The following SEC63 variants were observed in gnomAD, a reference collection of about 807,000 sequenced individuals.
SEC63 encodes the protein SEC63 protein translocation regulator, also known as translocation protein SEC63 homolog.
A neutral mutation model predicts 116.2 loss-of-function variants in SEC63; 56 were observed. That is an observed-to-expected ratio of 0.48 (90% CI 0.39 to 0.60). The LOEUF (loss-of-function observed/expected upper bound fraction) is 0.60, where lower values mean the gene tolerates loss of function less well. Ranked by LOEUF, SEC63 falls within the 20% of genes least tolerant of loss-of-function variation. The pLI, the probability that SEC63 is intolerant of heterozygous loss-of-function variation, is 0.00. For missense variants in SEC63, 668 were observed against 900.0 expected, an observed-to-expected ratio of 0.74 and a Z score of 3.30; for synonymous variants, 273 against 294.6, an observed-to-expected ratio of 0.93 and a Z score of 0.75.
chr6:107,875,084 G>A (rs777091879), intron 19 of SEC63, among the ~76,000 whole-genome samples: 2 of 151,942 alleles, frequency 1.3e-5, no homozygotes, highest in Non-Finnish European at 2.9e-5. Context: ...GACTGCTGCT[G>A]AATTCCTGGG....
Position 107,893,826 on chromosome 6 carries a change from C to T in SEC63, c.1500+12G>A, listed in dbSNP as rs534193520. 1.2e-6 allele frequency: 2 copies of T among 1,613,888 alleles called. No homozygotes were observed. The highest frequency in any genetic ancestry group is 1.3e-5 in the African/African-American group (1 of 74,982). ...CACTAGGAAAAATAGGTTCGGAAAC[C>T]CAAGTTTTTACCCCATCTTCTGCTG... On this transcript the variant is annotated intron_variant, in intron 15 of 20. Coordinates refer to ENST00000369002, the MANE Select transcript of SEC63 (RefSeq NM_007214.5).
intron 20 of SEC63, among the ~76,000 whole-genome samples, chr6:107,872,103 T>A (rs1157792900): frequency 6.6e-6 from 1 of 152,234 alleles, no homozygotes. Context: ...ATACTATTTA[T>A]GAATGTATTT....
intron 1 of SEC63, among the ~76,000 whole-genome samples, chr6:107,935,028 C>A (rs1222226967): frequency 7.5e-6 from 1 of 133,812 alleles, no homozygotes. Flanking sequence ...GCCACCCCGT[C>A]CGGGAGGTGA....
chr6:107,869,271 T>C lies in SEC63; in HGVS notation c.*2433A>G, dbSNP rs1562309427. Reference sequence around the variant, plus strand: ...AACATCTAACTCTGAGATTGAGATATTAACACCTCAGGGCCTCAATCAAAT... The same window carrying C: ...AACATCTAACTCTGAGATTGAGATACTAACACCTCAGGGCCTCAATCAAAT... On this transcript the variant is annotated 3_prime_UTR_variant, in exon 21 of 21. Transcript: ENST00000369002. 1 of 152,178 alleles carries C rather than the reference T, an allele frequency of 6.6e-6. No individual in the cohort carries two copies. Among genetic ancestry groups the C allele is most frequent in the Non-Finnish European group, 1.5e-5 (1 of 68,030 alleles). 9.4% of individuals were successfully genotyped at this position (152,178 alleles called of 1,614,324 possible). A position where few individuals can be genotyped will look rare whatever the true frequency, so the allele number is the denominator to read the frequency against.
At chr6:107,941,159 A>AT in intron 1 of SEC63, among the ~76,000 whole-genome samples, 1 of 152,234 alleles carries the variant, frequency 6.6e-6, no homozygotes, top group East Asian at 1.9e-4. Context: ...GCCTCTGGAG[A>AT]TAAGTGCAGA....
At chr6:107,887,582 A>G (rs1358351066) in intron 16 of SEC63, among the ~76,000 whole-genome samples, 1 of 136,438 alleles carries the variant, frequency 7.3e-6, no homozygotes, top group Non-Finnish European at 1.6e-5. Flanking sequence ...GGAATATCAC[A>G]CTCTGGGGAC....
chr6:107,886,845 GTTT>G (rs34959288), intron 16 of SEC63, among the ~76,000 whole-genome samples: 3 of 128,072 alleles, frequency 2.3e-5, no homozygotes, highest in Admixed American at 1.6e-4. Flanking sequence ...GTTTTTTTGG[GTTT>G]TTTTTTTTTT....
In SEC63 at chr6:107,871,749, T is replaced by C; in HGVS notation, c.2238A>G (p.Glu746=). 1 of 1,613,604 alleles carries C rather than the reference T, an allele frequency of 6.2e-7. No homozygotes were observed. The highest frequency in any genetic ancestry group is 8.5e-7 in the Non-Finnish European group (1 of 1,179,792). Residue 746 remains glutamate, a synonymous_variant, in exon 21 of 21, where the codon GAA becomes GAG. Coordinates refer to ENST00000369002, the MANE Select transcript of SEC63 (RefSeq NM_007214.5). ...DEDQEDSEGF[E]DSFEEEEEEE... The stretch of plus-strand genomic sequence containing the variant: ...CCTCCTCTTCTTCCTCAAAGCTATC[T>C]TCAAAGCCCTCACTGTCCTCCTGGT...
At chr6:107,880,265 A>G (rs1415916964) in intron 18 of SEC63, among the ~76,000 whole-genome samples, 2 of 152,328 alleles carry the variant, frequency 1.3e-5, no homozygotes, top group East Asian at 3.9e-4. Context: ...AGTCCCCAGA[A>G]ACTCTAGATT....
chr6:107,875,554 G>A (rs570534834), intron 19 of SEC63, among the ~76,000 whole-genome samples: 7 of 151,996 alleles, frequency 4.6e-5, no homozygotes, highest in South Asian at 4.2e-4. Flanking sequence ...AAAATTAGCC[G>A]GGCGTGGCTA....
Position 107,906,739 on chromosome 6 carries a change from G to A in SEC63, c.772C>T (p.Pro258Ser). 1 of 1,613,746 alleles carries A rather than the reference G, an allele frequency of 6.2e-7. No individual in the cohort carries two copies. The highest frequency in any genetic ancestry group is 8.5e-7 in the Non-Finnish European group (1 of 1,179,910). The change falls in exon 9 of 21, where the codon CCT becomes TCT. Residue 258 changes from proline to serine, a missense_variant. By Grantham distance (74) the Pro-to-Ser change is moderately conservative. Around this residue, in one of 5 missense-constraint regions of SEC63, gnomAD observed 430 missense variants for 557.5 expected, o/e 0.77. Coordinates refer to ENST00000369002, the MANE Select transcript of SEC63 (RefSeq NM_007214.5). Reference protein sequence around the residue: ...MVLAGASEFDPQYNKDATSRP... With the variant: ...MVLAGASEFDSQYNKDATSRP... ...CTTGTGGCATCTTTATTATACTGAGGATCAAATTCAGAAGCTCCAGCCAAA... is the reference window on the plus strand; with the variant it reads ...CTTGTGGCATCTTTATTATACTGAGAATCAAATTCAGAAGCTCCAGCCAAA...
At chr6:107,898,073 G>A (rs2114434975) in intron 13 of SEC63, among the ~76,000 whole-genome samples, 1 of 152,154 alleles carries the variant, frequency 6.6e-6, no homozygotes, top group East Asian at 1.9e-4. Flanking sequence ...GAGACCAGCA[G>A]GGCAACATGA....
At chr6:107,921,347 G>A (rs532063478) in intron 4 of SEC63, among the ~76,000 whole-genome samples, 6 of 152,078 alleles carry the variant, frequency 3.9e-5, no homozygotes, top group African/African-American at 1.2e-4. Flanking sequence ...AAATTACCAC[G>A]TTAGTGCTGC....
chr6:107,920,554 G>A (rs1787532814), intron 4 of SEC63, among the ~76,000 whole-genome samples: 1 of 151,546 alleles, frequency 6.6e-6, no homozygotes, highest in Non-Finnish European at 1.5e-5. Flanking sequence ...TGCAATATTT[G>A]CTTTATTGCA....
intron 1 of SEC63, among the ~76,000 whole-genome samples, chr6:107,950,709 C>A (rs1770564206): frequency 6.6e-6 from 1 of 152,132 alleles, no homozygotes; most frequent in African/African-American, 2.4e-5. Flanking sequence ...GGCTGCAGAG[C>A]CACATTTCAA....
chr6:107,874,050 A>G (rs1201993196), intron 19 of SEC63, among the ~76,000 whole-genome samples: 1 of 152,154 alleles, frequency 6.6e-6, no homozygotes, highest in Non-Finnish European at 1.5e-5. Context: ...CACAGATTAG[A>G]GGGGGAGAAA....
intron 12 of SEC63, among the ~76,000 whole-genome samples, chr6:107,902,229 A>G (rs1787021497): frequency 6.6e-6 from 1 of 152,162 alleles, no homozygotes; most frequent in Non-Finnish European, 1.5e-5. Flanking sequence ...GAGAACTCTG[A>G]TACTAATTTC....
intron 7 of SEC63, chr6:107,909,291 T>TTA (rs1264582256): frequency 1.3e-5 from 5 of 399,512 alleles, no homozygotes; most frequent in Non-Finnish European, 2.4e-5. Context: ...GGTGGGAAGA[T>TTA]TGCTAGAGTC....
chr6:107,900,399 C>A (rs1259543405), intron 13 of SEC63, among the ~76,000 whole-genome samples: 1 of 151,594 alleles, frequency 6.6e-6, no homozygotes, highest in East Asian at 2.0e-4. Flanking sequence ...CACAGCACTG[C>A]GGGAGGCCAA....
Sources: allele counts gnomAD v4.1 joint callset (sites outside exome capture counted in the v4.1 genomes callset), GRCh38; gene constraint gnomAD v4.1.1; regional missense constraint gnomAD v4.1.1; transcripts MANE v1.5; gene names NCBI Gene and HGNC (gene_info 2026-07-23, HGNC 2026-07-21).